Variants in INPP5A observed in about 807,000 individuals in gnomAD.
INPP5A encodes inositol polyphosphate-5-phosphatase A.
Under a neutral mutation model 65.2 loss-of-function variants are expected in INPP5A, and 14 were observed. The ratio of observed to expected loss-of-function variants is 0.21; its 90% CI spans 0.14 to 0.34. The LOEUF is 0.34. INPP5A is among the 10% of genes least tolerant of loss of function. The probability of loss-of-function intolerance (pLI) is 1.00; values close to 1 mark genes in which losing one functional copy is unlikely to be tolerated. For synonymous variants in INPP5A, 207 were observed against 208.3 expected (o/e 0.99, Z 0.05); for missense variants, 431 against 545.6 (o/e 0.79, Z 2.09).
intron 1 of INPP5A, among the ~76,000 whole-genome samples, chr10:132,553,905 A>G (rs2071089269): frequency 7.2e-6 from 1 of 139,676 alleles, no homozygotes. Context: ...GGATTGGTGA[A>G]CGCCTTCTCA....
chr10:132,708,959 T>C (rs982653668), intron 7 of INPP5A, among the ~76,000 whole-genome samples: 4 of 152,112 alleles, frequency 2.6e-5, no homozygotes, highest in African/African-American at 9.7e-5. Context: ...AATACTGTTT[T>C]CATTTTCTTT....
At chr10:132,747,229 GGT>G (rs1250117734) in intron 9 of INPP5A, among the ~76,000 whole-genome samples, 1 of 152,248 alleles carries the variant, frequency 6.6e-6, no homozygotes, top group South Asian at 2.1e-4. Context: ...GGGACACAGG[GGT>G]GGGCAGGGTG....
intron 2 of INPP5A, among the ~76,000 whole-genome samples, chr10:132,610,498 T>C (rs1175662015): frequency 1.3e-5 from 2 of 152,212 alleles, no homozygotes; most frequent in East Asian, 3.9e-4. Flanking sequence ...CCCTGGGACA[T>C]GTGACCTGAG....
At chr10:132,703,979 A>C (rs1197287986) in intron 6 of INPP5A, among the ~76,000 whole-genome samples, 1 of 104,704 alleles carries the variant, frequency 9.6e-6, no homozygotes, top group Admixed American at 1.1e-4. Flanking sequence ...CACACACGCA[A>C]GCTTCACCCA....
chr10:132,597,945 G>A (rs533364673), intron 1 of INPP5A, among the ~76,000 whole-genome samples: 8 of 152,208 alleles, frequency 5.3e-5, no homozygotes, highest in African/African-American at 9.6e-5. Context: ...TGTGCTACGC[G>A]TAGTGACCCT....
intron 4 of INPP5A, among the ~76,000 whole-genome samples, chr10:132,668,940 G>A (rs555643180): frequency 6.6e-6 from 1 of 152,066 alleles, no homozygotes; most frequent in Non-Finnish European, 1.5e-5. Context: ...TTGGGGTGCC[G>A]GAGACACAGG....
intron 3 of INPP5A, among the ~76,000 whole-genome samples, chr10:132,647,616 G>A (rs752317808): frequency 4.6e-5 from 7 of 152,174 alleles, no homozygotes; most frequent in Admixed American, 3.3e-4. Context: ...ACGCAGGCCC[G>A]GAGAGGAGAG....
Position 132,575,238 on chromosome 10 carries a change from G to T in INPP5A, c.76-32677G>T, listed in dbSNP as rs902494231. Among the ~76,000 whole-genome samples the T allele has an allele frequency of 3.9e-5, 6 of 152,174 alleles. No homozygotes were observed. Among genetic ancestry groups the T allele is most frequent in the Admixed American group, 3.9e-4 (6 of 15,280 alleles). ...AACCCTGACCTGTGTGCTGAAGGGC[G>T]GCCGCCTGATGTCTGCCTGCTTTTG... On this transcript the variant is annotated intron_variant, in intron 1 of 15. Coordinates refer to ENST00000368594, the MANE Select transcript of INPP5A (RefSeq NM_005539.5). This position sits in a 1 kb window ranked among gnomAD's most constrained non-coding sequence, Gnocchi z 5.4.
In INPP5A at chr10:132,675,606, C is replaced by T. The variant is rs2072953046; in HGVS notation, c.307-14786C>T. On this transcript the variant is annotated intron_variant, in intron 4 of 15. Coordinates refer to ENST00000368594, the MANE Select transcript of INPP5A (RefSeq NM_005539.5). This position sits in a 1 kb window ranked among gnomAD's most constrained non-coding sequence, Gnocchi z 4.2. ...TGCCCGGGAGAGTGAGGGTAACGGA[C>T]ATTCCCACGGGGATATTCCCACGCG... 6.6e-6 allele frequency among the ~76,000 whole-genome samples: 1 copy of T among 152,074 alleles called. No homozygotes were observed. Among genetic ancestry groups the T allele is most frequent in the Non-Finnish European group, 1.5e-5 (1 of 68,024 alleles).
chr10:132,733,952 C>T (rs373799738), intron 9 of INPP5A, among the ~76,000 whole-genome samples: 29 of 152,314 alleles, frequency 1.9e-4, no homozygotes, highest in African/African-American at 4.6e-4. Flanking sequence ...TGGGCTCTCC[C>T]GGACCTGCGA....
intron 9 of INPP5A, among the ~76,000 whole-genome samples, chr10:132,733,679 C>T (rs1846125506): frequency 6.6e-6 from 1 of 152,214 alleles, no homozygotes; most frequent in Non-Finnish European, 1.5e-5. Context: ...GGGGACCCCT[C>T]ATACCGGCAC....
intron 9 of INPP5A, among the ~76,000 whole-genome samples, chr10:132,748,311 C>T (rs1051929201): frequency 6.6e-6 from 1 of 152,194 alleles, no homozygotes; most frequent in African/African-American, 2.4e-5. Context: ...CTCCTCCACC[C>T]ACACCAGCGA....
intron 3 of INPP5A, 84 bp downstream of exon 3, chr10:132,646,052 C>T: frequency 1.2e-6 from 1 of 831,992 alleles, no homozygotes; most frequent in African/African-American, 1.7e-5. Context: ...GTACTATGAT[C>T]ACCAGCCTCA....
chr10:132,576,079 C>T (rs931240350), intron 1 of INPP5A, among the ~76,000 whole-genome samples: 1 of 152,240 alleles, frequency 6.6e-6, no homozygotes, highest in East Asian at 1.9e-4. Flanking sequence ...CCAGACTCTG[C>T]CCTTCCCTGC....
chr10:132,738,526 C>A (rs1353425599), intron 9 of INPP5A, among the ~76,000 whole-genome samples: 1 of 152,224 alleles, frequency 6.6e-6, no homozygotes, highest in Non-Finnish European at 1.5e-5. Context: ...TCCTGTGGAG[C>A]CACCCCTGGG....
chr10:132,679,078 C>T (rs1402923299), intron 4 of INPP5A, among the ~76,000 whole-genome samples: 5 of 152,184 alleles, frequency 3.3e-5, no homozygotes, highest in Non-Finnish European at 7.4e-5. Flanking sequence ...TGGAAAAGGC[C>T]ACCTTGGTGC....
chr10:132,565,748 TGTG>T (rs1364594807), intron 1 of INPP5A, among the ~76,000 whole-genome samples: 1 of 151,500 alleles, frequency 6.6e-6, no homozygotes, highest in Non-Finnish European at 1.5e-5. Context: ...TGTGCGCCGT[TGTG>T]TGTGGGTCTC....
At chr10:132,767,416 AG>A (rs1340636894) in intron 12 of INPP5A, among the ~76,000 whole-genome samples, 4 of 152,168 alleles carry the variant, frequency 2.6e-5, no homozygotes. Flanking sequence ...AAAGTGACGG[AG>A]CACTTTGGTG....
intron 9 of INPP5A, among the ~76,000 whole-genome samples, chr10:132,747,788 C>T (rs986421519): frequency 6.6e-6 from 1 of 152,226 alleles, no homozygotes; most frequent in Admixed American, 6.5e-5. Flanking sequence ...GCTGCTCACA[C>T]ATGTAATCCT....
Sources: allele counts gnomAD v4.1 joint callset (sites outside exome capture counted in the v4.1 genomes callset), GRCh38; gene constraint gnomAD v4.1.1; non-coding constraint Gnocchi (gnomAD v3.1); transcripts MANE v1.5; gene names NCBI Gene and HGNC (gene_info 2026-07-23, HGNC 2026-07-21).